The following FAM184B variants were observed in gnomAD, a reference collection of about 807,000 sequenced individuals.
FAM184B encodes the protein family with sequence similarity 184 member B.
A neutral mutation model predicts 135.9 loss-of-function variants in FAM184B; 111 were observed. The ratio of observed to expected loss-of-function variants is 0.82; its 90% CI spans 0.70 to 0.96. The LOEUF is 0.96. Ranked by LOEUF, FAM184B falls within the 40% of genes least tolerant of loss-of-function variation. The pLI is 0.00. For synonymous variants in FAM184B, 552 were observed against 524.8 expected, an observed-to-expected ratio of 1.05 and a Z score of -0.71; for missense variants, 1,375 against 1,323.9, an observed-to-expected ratio of 1.04 and a Z score of -0.60.
chr4:17,756,346 T>A (rs1222690283), intron 1 of FAM184B, among the ~76,000 whole-genome samples: 2 of 152,176 alleles, frequency 1.3e-5, no homozygotes, highest in Non-Finnish European at 2.9e-5. Flanking sequence ...AATTAGTCAA[T>A]TTGAACATCA....
At chr4:17,667,361 A>G (rs774015954) in intron 7 of FAM184B, among the ~76,000 whole-genome samples, 5 of 152,198 alleles carry the variant, frequency 3.3e-5, no homozygotes, top group Non-Finnish European at 7.3e-5. Flanking sequence ...GGAGACAGCC[A>G]TCACCCAAAC....
chr4:17,781,081 C>A lies in FAM184B; in HGVS notation c.141+78G>T. ...CTGTCTGGATTTGGCCCGGGCCTCC[C>A]GGGAGGCGCATCCGCACTGACTCCC... On this transcript the variant is annotated intron_variant, in intron 1 of 17. Coordinates refer to ENST00000265018, the MANE Select transcript of FAM184B (RefSeq NM_015688.2). This position sits in a 1 kb window ranked among gnomAD's most constrained non-coding sequence, Gnocchi z 6.5. 1 of 1,426,486 alleles carries A rather than the reference C, an allele frequency of 7.0e-7. No homozygotes were observed. Among genetic ancestry groups the A allele is most frequent in the Non-Finnish European group, 9.2e-7 (1 of 1,085,132 alleles). The allele number at this position is 1,426,486 out of a possible 1,614,324, so 88.4% of individuals were successfully genotyped here.
intron 12 of FAM184B, 49 bp from the exon 13 acceptor site, chr4:17,642,277 C>A: frequency 7.0e-7 from 1 of 1,425,510 alleles, no homozygotes; most frequent in Admixed American, 2.9e-5. Context: ...CAGGGGCAGA[C>A]AAGGCAGAAA....
chr4:17,645,181 C>G (rs1715433277), intron 12 of FAM184B, among the ~76,000 whole-genome samples: 1 of 152,154 alleles, frequency 6.6e-6, no homozygotes, highest in Non-Finnish European at 1.5e-5. Flanking sequence ...GATTCAATGC[C>G]ATCCCCATCG....
chr4:17,693,087 G>A (rs1171949726), intron 6 of FAM184B, among the ~76,000 whole-genome samples: 1 of 151,838 alleles, frequency 6.6e-6, no homozygotes, highest in Non-Finnish European at 1.5e-5. Context: ...GGCCTCCTGT[G>A]TCCTTCTCTT....
chr4:17,768,572 C>G (rs1276466759), intron 1 of FAM184B, among the ~76,000 whole-genome samples: 1 of 151,508 alleles, frequency 6.6e-6, no homozygotes, highest in Non-Finnish European at 1.5e-5. Flanking sequence ...ACCATGCCAG[C>G]CTTCTGACCC....
intron 14 of FAM184B, among the ~76,000 whole-genome samples, chr4:17,637,831 T>C (rs1199826605): frequency 6.6e-6 from 1 of 152,180 alleles, no homozygotes; most frequent in African/African-American, 2.4e-5. Flanking sequence ...CCCCTGTTTC[T>C]TCTCAGCAGT....
chr4:17,664,773 C>T, intron 7 of FAM184B, 114 bp from the exon 8 acceptor site: 1 of 801,868 alleles, frequency 1.2e-6, no homozygotes. Context: ...AGGGAGCCCC[C>T]AGCAACCCAC....
At chr4:17,703,736 A>G (rs1014654465) in intron 5 of FAM184B, among the ~76,000 whole-genome samples, 2 of 151,964 alleles carry the variant, frequency 1.3e-5, no homozygotes, top group Non-Finnish European at 2.9e-5. Flanking sequence ...ATCTAGACCA[A>G]CCTGGCCAAC....
chr4:17,633,554 T>G (rs1473191481), intron 17 of FAM184B, 135 bp downstream of exon 17: 1 of 787,474 alleles, frequency 1.3e-6, no homozygotes, highest in Non-Finnish European at 1.9e-6. Context: ...AGGTAAGTGA[T>G]TCAGTGTCCC....
intron 1 of FAM184B, among the ~76,000 whole-genome samples, chr4:17,777,915 T>C (rs1260830261): frequency 3.9e-5 from 6 of 152,068 alleles, no homozygotes; most frequent in Non-Finnish European, 5.9e-5. Context: ...CTGGGCAACA[T>C]AGTGAGACCC....
intron 1 of FAM184B, among the ~76,000 whole-genome samples, chr4:17,734,862 C>T (rs558831379): frequency 1.3e-5 from 2 of 152,002 alleles, no homozygotes; most frequent in East Asian, 1.9e-4. Context: ...AATCATGCTG[C>T]TATAAAGACA....
At position 17,748,309 on chromosome 4, in the gene FAM184B, A is replaced by AC. The variant is rs1368970258; in HGVS notation, c.141+32849dup. Among the ~76,000 whole-genome samples, 3 of 151,354 alleles carry AC rather than the reference A, an allele frequency of 2.0e-5. 1 individual carries two copies. Among genetic ancestry groups the AC allele is most frequent in the South Asian group, 4.2e-4 (2 of 4,788 alleles). On this transcript the variant is annotated intron_variant, in intron 1 of 17. Transcript: ENST00000265018. ...GTGAGCATCTAACTGACTTTTGGCA[A>AC]CCCCCCACCTGCCTCGAAAAGCTAA...
At chr4:17,760,300 C>G (rs993693783) in intron 1 of FAM184B, among the ~76,000 whole-genome samples, 1 of 151,956 alleles carries the variant, frequency 6.6e-6, no homozygotes, top group Non-Finnish European at 1.5e-5. Flanking sequence ...CCCATCTCTA[C>G]TAAAAATACA....
rs569981080 is a variant in FAM184B, at chr4:17,766,746, C to T, written c.141+14413G>A. Reference sequence around the variant, plus strand: ...AGACTCAGGAGCCCAGCTGGTTTCACCTAGAGGATCCCGCACCGGGGCAGC... The same window carrying T: ...AGACTCAGGAGCCCAGCTGGTTTCATCTAGAGGATCCCGCACCGGGGCAGC... On this transcript the variant is annotated intron_variant, in intron 1 of 17. Coordinates refer to ENST00000265018, the MANE Select transcript of FAM184B (RefSeq NM_015688.2). 3.3e-5 allele frequency among the ~76,000 whole-genome samples: 5 copies of T among 152,380 alleles called. No homozygotes were observed. The East Asian group carries it at 9.6e-4, about 29-fold the overall frequency.
chr4:17,633,528 C>T, intron 17 of FAM184B, 161 bp downstream of exon 17: 2 of 605,882 alleles, frequency 3.3e-6, no homozygotes, highest in East Asian at 3.1e-5. Context: ...TTTGTATAAC[C>T]CATGCTGAAG....
In FAM184B at chr4:17,641,461, C is replaced by CTTTTTT. The variant is rs71167316; in HGVS notation, c.2519+589_2519+594dup. ...TGCAGGGAAACAAACAGGACTCCCT[C>CTTTTTT]TTTTTTTTTTTTTTTTTTTTTTTTT... On this transcript the variant is annotated intron_variant, in intron 13 of 17. Transcript: ENST00000265018. 2.6e-3 allele frequency among the ~76,000 whole-genome samples: 120 copies of CTTTTTT among 45,696 alleles called. 22 individuals carry two copies. Among genetic ancestry groups the CTTTTTT allele is most frequent in the Non-Finnish European group, 3.3e-3 (87 of 26,056 alleles). 30.0% of individuals were successfully genotyped at this position (45,696 alleles called of 152,430 possible).
At chr4:17,747,542 A>G (rs1560192107) in intron 1 of FAM184B, among the ~76,000 whole-genome samples, 1 of 152,310 alleles carries the variant, frequency 6.6e-6, no homozygotes, top group Non-Finnish European at 1.5e-5. Flanking sequence ...CTGTAATCCT[A>G]GCACTTTGGG....
In FAM184B at chr4:17,647,748, A is replaced by T. The variant is rs775834250; in HGVS notation, c.2235T>A (p.Ser745=). ...GTGCCTCCAAGTCCTTCTGGTGCCC[A>T]GAACAGGCAGCTTGCTGCTCCGACA... ...QELSEQQAAC[S]GHQKDLEALQ... Residue 745 remains serine, a synonymous_variant, in exon 12 of 18, where the codon TCT becomes TCA. Transcript: ENST00000265018. The T allele has an allele frequency of 1.3e-6, 2 of 1,550,896 alleles. No homozygotes were observed. Among genetic ancestry groups the T allele is most frequent in the South Asian group, 2.4e-5 (2 of 84,034 alleles).
Sources: gnomAD v4.1 joint callset for allele counts (sites outside exome capture counted in the v4.1 genomes callset) on GRCh38, gnomAD v4.1.1 for gene constraint, Gnocchi (gnomAD v3.1) non-coding constraint, MANE v1.5 for transcripts, NCBI Gene and HGNC (gene_info 2026-07-23, HGNC 2026-07-21) for gene names.